PDE1C: variants seen among roughly 807,000 people sequenced by gnomAD.
PDE1C encodes the protein dual specificity calcium/calmodulin-dependent 3',5'-cyclic nucleotide phosphodiesterase 1C.
In PDE1C, 62 loss-of-function variants were observed where a neutral mutation model predicts 93.1. The observed-to-expected ratio is 0.67, with a 90% CI of 0.54 to 0.82. The LOEUF (loss-of-function observed/expected upper bound fraction) is 0.82, where lower values mean the gene tolerates loss of function less well. PDE1C is among the 40% of genes least tolerant of loss of function. The probability of loss-of-function intolerance (pLI) is 0.00; values close to 1 mark genes in which losing one functional copy is unlikely to be tolerated. For missense variants in PDE1C, 742 were observed against 884.6 expected, an observed-to-expected ratio of 0.84 and a Z score of 2.04; for synonymous variants, 325 against 310.1, an observed-to-expected ratio of 1.05 and a Z score of -0.50.
chr7:31,640,642 C>CTT, the PDE1C span, among the ~76,000 whole-genome samples: 1 of 147,202 alleles, frequency 6.8e-6, no homozygotes, highest in Non-Finnish European at 1.5e-5. Flanking sequence ...TCTCGAAAAA[C>CTT]TTTTTTTTTT....
chr7:32,119,337 A>G (rs1173510792), intron 3 of PDE1C, among the ~76,000 whole-genome samples: 4 of 152,186 alleles, frequency 2.6e-5, no homozygotes, highest in Non-Finnish European at 4.4e-5. Flanking sequence ...GGCTTGCCTC[A>G]CTTCAGGCTC....
chr7:32,075,168 C>T (rs2128731473), upstream of PDE1C, among the ~76,000 whole-genome samples: 1 of 152,312 alleles, frequency 6.6e-6, no homozygotes, highest in African/African-American at 2.4e-5. Context: ...CGCTTACAAA[C>T]AAGGAAGAGT....
intron 3 of PDE1C, among the ~76,000 whole-genome samples, chr7:32,168,075 T>G (rs1802415225): frequency 6.6e-6 from 1 of 152,128 alleles, no homozygotes; most frequent in Admixed American, 6.5e-5. Flanking sequence ...TAGTACACAG[T>G]TGTATTAAGG....
At chr7:32,320,294 T>C (rs1321797777) in intron 1 of PDE1C, among the ~76,000 whole-genome samples, 1 of 152,140 alleles carries the variant, frequency 6.6e-6, no homozygotes, top group African/African-American at 2.4e-5. Flanking sequence ...GTTAGTCGAT[T>C]TGCTTTATTG....
At chr7:31,643,137 G>A in the PDE1C span, 2 of 1,613,942 alleles carry the variant, frequency 1.2e-6, no homozygotes, top group Non-Finnish European at 1.7e-6. Context: ...CTGGCAAAGT[G>A]CAAAGCCACC....
At chr7:32,263,654 T>A (rs1002133112) in intron 1 of PDE1C, among the ~76,000 whole-genome samples, 12 of 152,358 alleles carry the variant, frequency 7.9e-5, no homozygotes, top group Non-Finnish European at 1.3e-4. Flanking sequence ...AGGAATTGCA[T>A]TTAATTGTCA....
intron 2 of PDE1C, among the ~76,000 whole-genome samples, chr7:32,046,069 T>C (rs1792511025): frequency 6.6e-6 from 1 of 152,096 alleles, no homozygotes; most frequent in Non-Finnish European, 1.5e-5. Context: ...AAAACATAAC[T>C]CCTTGCTTTG....
the PDE1C span, among the ~76,000 whole-genome samples, chr7:31,617,339 G>GTGTT: frequency 6.6e-6 from 1 of 152,132 alleles, no homozygotes; most frequent in Admixed American, 6.6e-5. Context: ...TAAAGAATAA[G>GTGTT]TGTTAAATTT....
At chr7:32,235,174 T>C (rs1047482863) in intron 1 of PDE1C, among the ~76,000 whole-genome samples, 2 of 151,892 alleles carry the variant, frequency 1.3e-5, no homozygotes, top group African/African-American at 4.8e-5. Context: ...GACAATGTTT[T>C]CCCTTATTCC....
chr7:31,813,988 C>T (rs1012136674), intron 15 of PDE1C, among the ~76,000 whole-genome samples: 1 of 151,972 alleles, frequency 6.6e-6, no homozygotes, highest in African/African-American at 2.4e-5. Flanking sequence ...GCCATTATTT[C>T]ATTCCTTTTT....
At chr7:31,836,195 T>C (rs1791077345) in intron 11 of PDE1C, among the ~76,000 whole-genome samples, 1 of 152,190 alleles carries the variant, frequency 6.6e-6, no homozygotes, top group Admixed American at 6.5e-5. Context: ...TGGCAGCACC[T>C]CTAGAGATAA....
chr7:31,753,380 C>A lies in PDE1C; in HGVS notation c.*4G>T. ...CCTTCACTCCCTCTCTTCTTCCCCT[C>A]GGCCTATTTTCTGTTCCAGTTATGT... is the stretch of plus-strand genomic sequence containing the variant. On this transcript the variant is annotated 3_prime_UTR_variant, in exon 18 of 18. Transcript: ENST00000396191. The A allele has an allele frequency of 6.2e-7, 1 of 1,610,320 alleles. No individual in the cohort carries two copies. The highest frequency in any genetic ancestry group is 8.5e-7 in the Non-Finnish European group (1 of 1,178,606).
chr7:31,965,019 A>C (rs941863508), intron 2 of PDE1C, among the ~76,000 whole-genome samples: 7 of 152,244 alleles, frequency 4.6e-5, no homozygotes, highest in African/African-American at 1.7e-4. Context: ...AAAACAGAGC[A>C]GAAAAACTGG....
At chr7:31,688,115 TC>T in the PDE1C span, among the ~76,000 whole-genome samples, 2 of 152,172 alleles carry the variant, frequency 1.3e-5, no homozygotes, top group South Asian at 4.2e-4. Context: ...TCCAAGAAGG[TC>T]CCTCACACTC....
chr7:31,878,117 A>T, intron 4 of PDE1C, 81 bp from the exon 5 acceptor site: 1 of 965,778 alleles, frequency 1.0e-6, no homozygotes, highest in East Asian at 2.5e-5. Flanking sequence ...CCAAGTATTG[A>T]CAAATAATAA....
At chr7:31,850,310 T>A (rs1163849452) in intron 8 of PDE1C, among the ~76,000 whole-genome samples, 1 of 152,176 alleles carries the variant, frequency 6.6e-6, no homozygotes. Context: ...TTATGTGTCA[T>A]CTGGGCCTTT....
intron 1 of PDE1C, among the ~76,000 whole-genome samples, chr7:32,366,736 T>C (rs1784235915): frequency 6.6e-6 from 1 of 152,024 alleles, no homozygotes; most frequent in Admixed American, 6.6e-5. Context: ...GCAGAAGCCT[T>C]ATAGGCCAGG....
chr7:32,366,548 G>A (rs1784232275), intron 1 of PDE1C, among the ~76,000 whole-genome samples: 2 of 152,146 alleles, frequency 1.3e-5, no homozygotes, highest in Non-Finnish European at 2.9e-5. Flanking sequence ...GAGAGAGATG[G>A]ACATTTAAGT....
chr7:32,064,426 C>T (rs1795144619), intron 1 of PDE1C, among the ~76,000 whole-genome samples: 1 of 152,314 alleles, frequency 6.6e-6, no homozygotes, highest in South Asian at 2.1e-4. Flanking sequence ...TTTCTCTACT[C>T]TAAATCTATG....
Sources: gnomAD v4.1 joint callset for allele counts (sites outside exome capture counted in the v4.1 genomes callset) on GRCh38, gnomAD v4.1.1 for gene constraint, MANE v1.5 for transcripts, NCBI Gene and HGNC (gene_info 2026-07-23, HGNC 2026-07-21) for gene names.